The following IRX5 variants were observed in gnomAD, a reference collection of about 807,000 sequenced individuals.
IRX5 encodes the protein iroquois homeobox 5.
Under a neutral mutation model 37.6 loss-of-function variants are expected in IRX5, and 8 were observed. The observed-to-expected ratio is 0.21, with a 90% CI of 0.12 to 0.38. The LOEUF is 0.38. Ranked by LOEUF, IRX5 falls within the 10% of genes least tolerant of loss-of-function variation. The pLI is 1.00. For missense variants in IRX5, 635 were observed against 695.2 expected, an observed-to-expected ratio of 0.91 and a Z score of 0.97; for synonymous variants, 359 against 328.6, an observed-to-expected ratio of 1.09 and a Z score of -1.00.
intron 1 of IRX5, chr16:54,931,919 T>C (rs1197539219): frequency 4.9e-6 from 3 of 611,866 alleles, no homozygotes; most frequent in Non-Finnish European, 8.8e-6. Flanking sequence ...TTTGGGAGTA[T>C]TAAATTTCTG....
rs1476720307 is a variant in IRX5, at chr16:54,934,109, C to G, written c.*236C>G. On this transcript the variant is annotated 3_prime_UTR_variant, in exon 3 of 3. Coordinates refer to ENST00000394636, the MANE Select transcript of IRX5 (RefSeq NM_005853.6). ...AAAAGGATTTGTATTAAATCTTATT[C>G]TGTATATTTAATGTAGCATTTTTGT... 2.8e-6 allele frequency: 1 copy of G among 362,722 alleles called. No homozygotes were observed. The highest frequency in any genetic ancestry group is 4.9e-6 in the Non-Finnish European group (1 of 205,060). The allele number at this position is 362,722 out of a possible 1,614,324, so 22.5% of individuals were successfully genotyped here.
In IRX5 at chr16:54,933,917, A is replaced by G; in HGVS notation, c.*44A>G. 2 of 1,511,140 alleles carry G rather than the reference A, an allele frequency of 1.3e-6. No individual in the cohort carries two copies. Among genetic ancestry groups the G allele is most frequent in the Non-Finnish European group, 1.8e-6 (2 of 1,128,806 alleles). 93.6% of individuals were successfully genotyped at this position (1,511,140 alleles called of 1,614,324 possible). On this transcript the variant is annotated 3_prime_UTR_variant, in exon 3 of 3. Transcript: ENST00000394636. ...CGGACTTTTCTAATTTATTAAAAAC[A>G]TGGCCTTGGCAGTTATTTTTCCATC...
At position 54,933,802 on chromosome 16, in the gene IRX5, C is replaced by T. The variant is rs201200647; in HGVS notation, c.1381C>T (p.Arg461Trp). Residue 461 changes from arginine to tryptophan, a missense_variant, in exon 3 of 3, where the codon CGG becomes TGG. Coordinates refer to ENST00000394636, the MANE Select transcript of IRX5 (RefSeq NM_005853.6). ...TTTGGCTAAAGACCCGAAAATGTTG[C>T]GGAGCCAGTCTCAGCTAGACCTGTG... Reference protein sequence around the residue: ...DALAKDPKMLRSQSQLDLCKD... With the variant: ...DALAKDPKMLWSQSQLDLCKD... The T allele has an allele frequency of 6.2e-7, 1 of 1,613,902 alleles. No individual in the cohort carries two copies. The highest frequency in any genetic ancestry group is 8.5e-7 in the Non-Finnish European group (1 of 1,179,996).
chr16:54,932,186 G>A lies in IRX5; in HGVS notation c.250-312G>A. On this transcript the variant is annotated intron_variant, in intron 1 of 2. Transcript: ENST00000394636. This position sits in a 1 kb window ranked among gnomAD's most constrained non-coding sequence, Gnocchi z 6.7. ...CTCTATCTGCATGGAGGGCCGGGCC[G>A]CCGTGGCCAGATCTGCGCACGGGGT... 1.4e-6 allele frequency: 1 copy of A among 702,798 alleles called. No individual in the cohort carries two copies. Among genetic ancestry groups the A allele is most frequent in the East Asian group, 2.7e-5 (1 of 37,268 alleles). 43.5% of individuals were successfully genotyped at this position (702,798 alleles called of 1,614,324 possible).
chr16:54,933,460 G>A lies in IRX5; in HGVS notation c.1039G>A (p.Val347Ile), dbSNP rs1325354118. The A allele has an allele frequency of 1.9e-6, 3 of 1,611,916 alleles. No homozygotes were observed. Among genetic ancestry groups the A allele is most frequent in the Non-Finnish European group, 2.5e-6 (3 of 1,179,524 alleles). ...AGAGATCGCCACATCGTCGGACAAG[G>A]TCAAGGACGGGGGCGGCGGGAACGA... The part of the protein sequence containing the change: ...LAEIATSSDK[V>I]KDGGGGNEGS... Residue 347 changes from valine (V) to isoleucine (I), a missense_variant, in exon 3 of 3, where the codon GTC (valine) becomes ATC (isoleucine). Physicochemically the swap from Val to Ile is conservative, Grantham distance 29. This residue lies in a region of IRX5 where 188 missense variants were observed against 200.8 expected (regional missense o/e 0.94). Transcript: ENST00000394636.
intron 1 of IRX5, 77 bp downstream of exon 1, chr16:54,931,524 C>T (rs1287328214): frequency 1.7e-5 from 25 of 1,440,300 alleles, no homozygotes; most frequent in African/African-American, 2.9e-5. Flanking sequence ...GGGACACGGG[C>T]CTAGGCGCCA....
rs1431874418 is a variant in IRX5 at position 54,932,992 on chromosome 16, G to T, written c.656-85G>T. 6.3e-7 allele frequency: 1 copy of T among 1,597,532 alleles called. No homozygotes were observed. Among genetic ancestry groups the T allele is most frequent in the Non-Finnish European group, 8.5e-7 (1 of 1,174,040 alleles). On this transcript the variant is annotated intron_variant, in intron 2 of 2. Coordinates refer to ENST00000394636, the MANE Select transcript of IRX5 (RefSeq NM_005853.6). The surrounding 1 kb of genome is among the most constrained non-coding windows in gnomAD (Gnocchi z 6.7). The stretch of plus-strand genomic sequence containing the variant: ...GGCGCGCACGGGGCCTGGAGGTTGG[G>T]GGCAGGGGTCCCTGCCTTTGCGGGC...
At chr16:54,931,596 C>A in intron 1 of IRX5, 149 bp downstream of exon 1, 1 of 1,150,740 alleles carries the variant, frequency 8.7e-7, no homozygotes, top group Non-Finnish European at 1.2e-6. Flanking sequence ...TCTCCGCCAG[C>A]TTCGCCCAGG....
Position 54,933,187 on chromosome 16 carries a change from C to G in IRX5, c.766C>G (p.Pro256Ala). 6.5e-7 allele frequency: 1 copy of G among 1,547,506 alleles called. No individual in the cohort carries two copies. The highest frequency in any genetic ancestry group is 8.7e-7 in the Non-Finnish European group (1 of 1,154,488). Reference sequence around the variant, plus strand: ...CAGCGACTCGGATTTTAAGGAGCCGCCCTCGGAGGGCCGCCTCGACGCGCT... The same window carrying G: ...CAGCGACTCGGATTTTAAGGAGCCGGCCTCGGAGGGCCGCCTCGACGCGCT... ...SLSDSDFKEPPSEGRLDALQG... is the reference protein window; with the variant it reads ...SLSDSDFKEPASEGRLDALQG... The change falls in exon 3 of 3, where the codon CCC becomes GCC. Residue 256 changes from proline (P) to alanine (A), a missense_variant. This residue lies in a region of IRX5 where 244 missense variants were observed against 205.4 expected (regional missense o/e 1.19). Transcript: ENST00000394636.
rs745572744 is a variant in IRX5, at chr16:54,931,158, TGGC to T, written c.-37_-35del. 9.1e-6 allele frequency: 12 copies of T among 1,314,954 alleles called. No individual in the cohort carries two copies. In the South Asian group the frequency reaches 2.8e-4, roughly 31 times the overall value. 81.5% of individuals were successfully genotyped at this position (1,314,954 alleles called of 1,614,324 possible). ...CCTCGCAGGGCGCCGCCCGGCTCGTTGGCGGCCGCGGCGCGGCGCGCCCCATGC... is the reference window on the plus strand; with the variant it reads ...CCTCGCAGGGCGCCGCCCGGCTCGTTGGCCGCGGCGCGGCGCGCCCCATGC... On this transcript the variant is annotated 5_prime_UTR_variant, in exon 1 of 3. Transcript: ENST00000394636.
In IRX5 at chr16:54,932,707, C is replaced by T. The variant is rs768764913; in HGVS notation, c.459C>T (p.Thr153=). 16 of 1,613,992 alleles carry T rather than the reference C, an allele frequency of 9.9e-6. No homozygotes were observed. Among genetic ancestry groups the T allele is most frequent in the Non-Finnish European group, 1.4e-5 (16 of 1,180,032 alleles). Residue 153 remains threonine, a synonymous_variant, in exon 2 of 3, where the codon ACC becomes ACT. Coordinates refer to ENST00000394636, the MANE Select transcript of IRX5 (RefSeq NM_005853.6). This position sits in a 1 kb window ranked among gnomAD's most constrained non-coding sequence, Gnocchi z 6.7. Reference sequence around the variant, plus strand: ...AGAAGATCATGCTGGCCATCATCACCAAGATGACCCTCACCCAGGTGTCCA... The same window carrying T: ...AGAAGATCATGCTGGCCATCATCACTAAGATGACCCTCACCCAGGTGTCCA... The part of the protein sequence containing the change: ...KGEKIMLAII[T]KMTLTQVSTW...
Position 54,931,264 on chromosome 16 carries a change from G to C in IRX5, c.66G>C (p.Ala22=), listed in dbSNP as rs779142162. 6.2e-7 allele frequency: 1 copy of C among 1,612,364 alleles called. No individual in the cohort carries two copies. Among genetic ancestry groups the C allele is most frequent in the Admixed American group, 1.7e-5 (1 of 59,952 alleles). The change falls in exon 1 of 3, where the codon GCG becomes GCC. Residue 22 remains alanine (A), a synonymous_variant. Coordinates refer to ENST00000394636, the MANE Select transcript of IRX5 (RefSeq NM_005853.6). ...CGCTGGCGCTCTACTCGTGCCCGGCGTACAGCACCAGCGTCATTTCGGGGC... is the reference window on the plus strand; with the variant it reads ...CGCTGGCGCTCTACTCGTGCCCGGCCTACAGCACCAGCGTCATTTCGGGGC... ...SASLALYSCP[A]YSTSVISGPR... is the part of the protein sequence containing the mutation.
At chr16:54,931,599 C>A in intron 1 of IRX5, 152 bp downstream of exon 1, 1 of 1,150,086 alleles carries the variant, frequency 8.7e-7, no homozygotes, top group Non-Finnish European at 1.2e-6. Context: ...CCGCCAGCTT[C>A]GCCCAGGCCT....
Position 54,933,705 on chromosome 16 carries a change from G to A in IRX5, c.1284G>A (p.Gly428=). 6.2e-7 allele frequency: 1 copy of A among 1,613,770 alleles called. No homozygotes were observed. The highest frequency in any genetic ancestry group is 8.5e-7 in the Non-Finnish European group (1 of 1,179,918). Residue 428 remains glycine, a synonymous_variant, in exon 3 of 3, where the codon GGG becomes GGA. Coordinates refer to ENST00000394636, the MANE Select transcript of IRX5 (RefSeq NM_005853.6). The stretch of plus-strand genomic sequence containing the variant: ...ACCTTCATGGCCACCCGGGGCCCGG[G>A]CCAGGCCCCACAACCGGTCCGGGGT... ...FGHLHGHPGP[G]PGPTTGPGSH...
Position 54,931,516 on chromosome 16 carries a change from G to A in IRX5, c.249+69G>A, listed in dbSNP as rs542285269. 123 of 1,458,430 alleles carry A rather than the reference G, an allele frequency of 8.4e-5. No individual in the cohort carries two copies. In the African/African-American group the frequency reaches 1.7e-3, roughly 20 times the overall value. 90.3% of individuals were successfully genotyped at this position (1,458,430 alleles called of 1,614,324 possible). A position where few individuals can be genotyped will look rare whatever the true frequency, so the allele number is the denominator to read the frequency against. On this transcript the variant is annotated intron_variant, in intron 1 of 2. Transcript: ENST00000394636. ...GGGCGGGAGGACGGGGGCGGAGGGG[G>A]ACACGGGCCTAGGCGCCAACACCGA...
At position 54,932,106 on chromosome 16, in the gene IRX5, G is replaced by T; in HGVS notation, c.250-392G>T. 2.8e-6 allele frequency: 2 copies of T among 702,778 alleles called. No individual in the cohort carries two copies. Among genetic ancestry groups the T allele is most frequent in the Admixed American group, 2.0e-5 (1 of 50,012 alleles). 43.5% of individuals were successfully genotyped at this position (702,778 alleles called of 1,614,324 possible). A position where few individuals can be genotyped will look rare whatever the true frequency, so the allele number is the denominator to read the frequency against. On this transcript the variant is annotated intron_variant, in intron 1 of 2. Transcript: ENST00000394636. This position sits in a 1 kb window ranked among gnomAD's most constrained non-coding sequence, Gnocchi z 6.7. ...GACTTCCCTTGTTTTCCCCCCTTGC[G>T]CCCAACGTGCGTCCGCTCCCCCGCC...
rs1308395977 is a variant in IRX5 at position 54,931,097 on chromosome 16, C to G, written c.-102C>G. Reference sequence around the variant, plus strand: ...GAGCCGGGGCCAGAGGAGCGGCGGCCCAGGGCAGCCAGAGGCCAGGTGCCC... The same window carrying G: ...GAGCCGGGGCCAGAGGAGCGGCGGCGCAGGGCAGCCAGAGGCCAGGTGCCC... On this transcript the variant is annotated 5_prime_UTR_variant, in exon 1 of 3. Transcript: ENST00000394636. 2 of 927,564 alleles carry G rather than the reference C, an allele frequency of 2.2e-6. No homozygotes were observed. Among genetic ancestry groups the G allele is most frequent in the Admixed American group, 5.2e-5 (1 of 19,306 alleles). The allele number at this position is 927,564 out of a possible 1,614,324, so 57.5% of individuals were successfully genotyped here.
In IRX5 at chr16:54,933,789, C is replaced by G; in HGVS notation, c.1368C>G (p.Asp456Glu). Residue 456 changes from aspartate (D) to glutamate (E), a missense_variant, in exon 3 of 3, where the codon GAC becomes GAG. Around this residue, in one of 5 missense-constraint regions of IRX5, gnomAD observed 188 missense variants for 200.8 expected, o/e 0.94. Transcript: ENST00000394636. ...VLNRADALAKDPKMLRSQSQL... is the reference protein window; with the variant it reads ...VLNRADALAKEPKMLRSQSQL... ...ACCGAGCGGACGCTTTGGCTAAAGACCCGAAAATGTTGCGGAGCCAGTCTC... is the reference window on the plus strand; with the variant it reads ...ACCGAGCGGACGCTTTGGCTAAAGAGCCGAAAATGTTGCGGAGCCAGTCTC... 1 of 1,614,026 alleles carries G rather than the reference C, an allele frequency of 6.2e-7. No individual in the cohort carries two copies. The highest frequency in any genetic ancestry group is 8.5e-7 in the Non-Finnish European group (1 of 1,179,972).
rs1200689396 is a variant in IRX5 at position 54,933,500 on chromosome 16, C to T, written c.1079C>T (p.Pro360Leu). 6.2e-7 allele frequency: 1 copy of T among 1,611,184 alleles called. No individual in the cohort carries two copies. The highest frequency in any genetic ancestry group is 2.2e-5 in the East Asian group (1 of 44,806). ...GGCGGGAACGAGGGCTCTCCATGCCCACCGTGTCCCGGGCCCATAGCCGGG... is the reference window on the plus strand; with the variant it reads ...GGCGGGAACGAGGGCTCTCCATGCCTACCGTGTCCCGGGCCCATAGCCGGG... ...GGGGNEGSPC[P>L]PCPGPIAGQA... is the part of the protein sequence containing the mutation. The change falls in exon 3 of 3, where the codon CCA (proline) becomes CTA (leucine). Residue 360 changes from proline (P) to leucine (L), a missense_variant. Physicochemically the swap from Pro to Leu is moderately conservative, Grantham distance 98. Transcript: ENST00000394636.
Sources: allele counts gnomAD v4.1 joint callset, GRCh38; gene constraint gnomAD v4.1.1; regional missense constraint gnomAD v4.1.1; non-coding constraint Gnocchi (gnomAD v3.1); transcripts MANE v1.5; gene names NCBI Gene and HGNC (gene_info 2026-07-23, HGNC 2026-07-21).